Variants in DNAJB4 observed in about 807,000 individuals in gnomAD.
DNAJB4 encodes dnaJ homolog subfamily B member 4.
DNAJB4 carries 10 observed loss-of-function variants against 26.6 expected under a neutral mutation model. The ratio of observed to expected loss-of-function variants is 0.38; its 90% CI spans 0.23 to 0.64. The LOEUF is 0.64. DNAJB4 is among the 30% of genes least tolerant of loss of function. DNAJB4 has a pLI of 0.58. For missense variants in DNAJB4, 328 were observed against 408.2 expected (o/e 0.80, Z 1.69); for synonymous variants, 136 against 134.8 (o/e 1.01, Z -0.06).
intron 1 of DNAJB4, among the ~76,000 whole-genome samples, chr1:77,990,273 C>T (rs1659900103): frequency 6.6e-6 from 1 of 152,156 alleles, no homozygotes; most frequent in African/African-American, 2.4e-5. Context: ...AAATGCTGGT[C>T]ATCCCAAAGT....
At chr1:78,007,403 A>C (rs564611511) in intron 1 of DNAJB4, among the ~76,000 whole-genome samples, 33 of 152,218 alleles carry the variant, frequency 2.2e-4, no homozygotes, top group African/African-American at 6.0e-4. Flanking sequence ...CAACATGGTG[A>C]AACCCTGTCT....
upstream of DNAJB4, among the ~76,000 whole-genome samples, chr1:78,001,263 C>T (rs1660185916): frequency 6.6e-6 from 1 of 151,612 alleles, no homozygotes; most frequent in Non-Finnish European, 1.5e-5. Context: ...TCACTTGAGC[C>T]TAGGAGTTCA....
chr1:77,993,631 T>C (rs1659990936), intron 1 of DNAJB4, among the ~76,000 whole-genome samples: 1 of 152,166 alleles, frequency 6.6e-6, no homozygotes, highest in South Asian at 2.1e-4. Context: ...TAGTATAAAC[T>C]CCTTAAGGGT....
intron 1 of DNAJB4, among the ~76,000 whole-genome samples, chr1:77,990,142 G>T (rs996290418): frequency 6.6e-6 from 1 of 152,218 alleles, no homozygotes; most frequent in Non-Finnish European, 1.5e-5. Context: ...TAGCTAGAAA[G>T]AAGATATGAA....
chr1:77,995,355 T>C (rs1262365988), intron 1 of DNAJB4, among the ~76,000 whole-genome samples: 2 of 152,232 alleles, frequency 1.3e-5, no homozygotes, highest in Non-Finnish European at 2.9e-5. Context: ...GTGTGATCTT[T>C]CAACACAGGC....
Position 78,005,714 on chromosome 1 carries a change from A to G in DNAJB4, c.211+393A>G, listed in dbSNP as rs890959573. Among the ~76,000 whole-genome samples, 6 of 152,348 alleles carry G rather than the reference A, an allele frequency of 3.9e-5. No individual in the cohort carries two copies. The East Asian group carries it at 1.2e-3, about 29-fold the overall frequency. The stretch of plus-strand genomic sequence containing the variant: ...AATGAATTTTCTGCCAGAACCAATA[A>G]AGAGTCTTTAGTCATTTAAAACCTT... On this transcript the variant is annotated intron_variant, in intron 1 of 2. Coordinates refer to ENST00000370763, the MANE Select transcript of DNAJB4 (RefSeq NM_007034.5).
At chr1:78,004,168 CCT>C (rs1331216157), upstream of DNAJB4, among the ~76,000 whole-genome samples, 12 of 152,080 alleles carry the variant, frequency 7.9e-5, no homozygotes, top group Admixed American at 7.9e-4. Context: ...AAATAGGGAT[CCT>C]GTGGGGCGGC....
rs1159528453 is a variant in DNAJB4, at chr1:78,005,075, C to A, written c.-36C>A. ...AGACTGGGGACGCTGTTTTCTTTTACAAAGGGAAATCTAAGTTAATTTCAA... is the reference window on the plus strand; with the variant it reads ...AGACTGGGGACGCTGTTTTCTTTTAAAAAGGGAAATCTAAGTTAATTTCAA... On this transcript the variant is annotated 5_prime_UTR_variant, in exon 1 of 3. Coordinates refer to ENST00000370763, the MANE Select transcript of DNAJB4 (RefSeq NM_007034.5). 6.3e-7 allele frequency: 1 copy of A among 1,589,152 alleles called. No individual in the cohort carries two copies. Among genetic ancestry groups the A allele is most frequent in the East Asian group, 2.2e-5 (1 of 44,668 alleles).
intron 1 of DNAJB4, among the ~76,000 whole-genome samples, chr1:77,986,479 C>T (rs1269687619): frequency 6.6e-6 from 1 of 152,086 alleles, no homozygotes; most frequent in East Asian, 1.9e-4. Flanking sequence ...CTTTTCTTTC[C>T]ATCTCTTACT....
intron 1 of DNAJB4, among the ~76,000 whole-genome samples, chr1:77,996,356 T>G (rs757893018): frequency 2.0e-5 from 3 of 152,012 alleles, no homozygotes; most frequent in Non-Finnish European, 4.4e-5. Context: ...ATTCTCACTT[T>G]GTTACCCAGG....
chr1:77,987,792 G>A (rs910239838), intron 1 of DNAJB4, among the ~76,000 whole-genome samples: 23 of 151,696 alleles, frequency 1.5e-4, no homozygotes, highest in Admixed American at 6.6e-4. Flanking sequence ...CTACATCATG[G>A]TCCAAACCAC....
chr1:78,001,691 T>TA (rs869274349), upstream of DNAJB4, among the ~76,000 whole-genome samples: 48 of 152,202 alleles, frequency 3.2e-4, 1 homozygote, highest in Non-Finnish European at 8.8e-5. Context: ...TTCCATTTTT[T>TA]AAAAAAATTA....
In DNAJB4 at chr1:78,016,010, T is replaced by C. The variant is rs1019278261; in HGVS notation, c.781-4T>C. 6.2e-7 allele frequency: 1 copy of C among 1,611,950 alleles called. No individual in the cohort carries two copies. Reference sequence around the variant, plus strand: ...TTCATTTTATTTTATTTGGTCCATTTTAGGCATTGTGTGGCTGCTCAATTA... The same window carrying C: ...TTCATTTTATTTTATTTGGTCCATTCTAGGCATTGTGTGGCTGCTCAATTA... On this transcript the variant is annotated splice_polypyrimidine_tract_variant and splice_region_variant and intron_variant, in intron 2 of 2. Coordinates refer to ENST00000370763, the MANE Select transcript of DNAJB4 (RefSeq NM_007034.5).
At chr1:78,003,826 T>C (rs1660250172), upstream of DNAJB4, among the ~76,000 whole-genome samples, 1 of 152,134 alleles carries the variant, frequency 6.6e-6, no homozygotes, top group Non-Finnish European at 1.5e-5. Flanking sequence ...CAAAAAATTA[T>C]AAAACTACAG....
intron 1 of DNAJB4, among the ~76,000 whole-genome samples, chr1:77,988,177 A>G (rs1286689769): frequency 4.0e-5 from 6 of 151,646 alleles, no homozygotes; most frequent in Non-Finnish European, 5.9e-5. Flanking sequence ...ATGTGCCACC[A>G]TATCTGGCTG....
intron 2 of DNAJB4, among the ~76,000 whole-genome samples, chr1:78,015,543 CT>C (rs1660614877): frequency 3.7e-5 from 2 of 54,784 alleles, no homozygotes; most frequent in Non-Finnish European, 3.8e-5. Flanking sequence ...TTCTTTCTTT[CT>C]TTCTTCTTTT....
intron 1 of DNAJB4, among the ~76,000 whole-genome samples, chr1:77,982,560 T>TGCCTGTAATCCTAGCATTTTGGGAG (rs146270364): frequency 3.3e-5 from 5 of 151,718 alleles, no homozygotes; most frequent in Non-Finnish European, 5.9e-5. Context: ...AGGTGCCTCA[T>TGCCTGTAATCCTAGCATTTTGGGAG]GCCGAGGCGG....
chr1:78,005,344 T>C, intron 1 of DNAJB4, 23 bp downstream of exon 1: 1 of 1,570,136 alleles, frequency 6.4e-7, no homozygotes, highest in Non-Finnish European at 8.6e-7. Context: ...TGTATATCTT[T>C]CTGTCTCTTC....
intron 1 of DNAJB4, among the ~76,000 whole-genome samples, chr1:77,981,916 C>T (rs1345743378): frequency 1.3e-5 from 2 of 152,128 alleles, no homozygotes; most frequent in African/African-American, 2.4e-5. Context: ...TATAACAGGG[C>T]ATCATAGGAT....
Sources: allele counts gnomAD v4.1 joint callset (sites outside exome capture counted in the v4.1 genomes callset), GRCh38; gene constraint gnomAD v4.1.1; transcripts MANE v1.5; gene names NCBI Gene and HGNC (gene_info 2026-07-23, HGNC 2026-07-21).